SCUBE1: variants seen among roughly 807,000 people sequenced by gnomAD.
SCUBE1 encodes the protein signal peptide, CUB domain and EGF like domain containing 1.
SCUBE1 carries 59 observed loss-of-function variants against 124.4 expected under a neutral mutation model. The ratio of observed to expected loss-of-function variants is 0.47; its 90% confidence interval spans 0.38 to 0.59. SCUBE1 has a LOEUF of 0.59. SCUBE1 is among the 20% of genes least tolerant of loss of function. The pLI is 0.00. For missense variants in SCUBE1, 1,150 were observed against 1,371.2 expected (o/e 0.84, Z 2.55); for synonymous variants, 545 against 550.9 (o/e 0.99, Z 0.15).
intron 4 of SCUBE1, among the ~76,000 whole-genome samples, chr22:43,280,130 A>G (rs929697610): frequency 2.0e-5 from 3 of 152,062 alleles, no homozygotes; most frequent in Non-Finnish European, 4.4e-5. Context: ...ATGCTGAGCA[A>G]GGCGCTGGGC....
At chr22:43,291,321 T>C in intron 3 of SCUBE1, 141 bp from the exon 4 acceptor site, 1 of 864,790 alleles carries the variant, frequency 1.2e-6, no homozygotes, top group Admixed American at 2.2e-5. Context: ...TCCCTGGTGC[T>C]GTGTGATGGT....
chr22:43,233,993 C>T (rs1922658476), intron 7 of SCUBE1, among the ~76,000 whole-genome samples: 1 of 151,914 alleles, frequency 6.6e-6, no homozygotes, highest in Admixed American at 6.6e-5. Context: ...GAGGTCACAG[C>T]ACCACACGCA....
chr22:43,271,682 C>T (rs1041646138), intron 4 of SCUBE1, among the ~76,000 whole-genome samples: 2 of 152,132 alleles, frequency 1.3e-5, no homozygotes, highest in Non-Finnish European at 2.9e-5. Context: ...TCTAGGCCTG[C>T]CGGGAACCAA....
At chr22:43,298,677 G>C (rs1021976479) in intron 3 of SCUBE1, among the ~76,000 whole-genome samples, 1 of 152,202 alleles carries the variant, frequency 6.6e-6, no homozygotes, top group Non-Finnish European at 1.5e-5. Context: ...AGTCCTCAAA[G>C]GGGTCTGCGT....
chr22:43,250,489 C>T (rs146319480), intron 6 of SCUBE1, among the ~76,000 whole-genome samples: 15 of 152,338 alleles, frequency 9.8e-5, no homozygotes, highest in African/African-American at 2.9e-4. Flanking sequence ...CCATAAGCAT[C>T]GCCAAGCACT....
intron 11 of SCUBE1, 98 bp downstream of exon 11, chr22:43,222,999 C>T: frequency 6.9e-7 from 1 of 1,449,092 alleles, no homozygotes; most frequent in Non-Finnish European, 9.2e-7. Flanking sequence ...ATTCCTAGGT[C>T]AGACTCTTTC....
At chr22:43,212,693 A>G (rs1921622699) in intron 16 of SCUBE1, 101 bp from the exon 17 acceptor site, 2 of 1,322,750 alleles carry the variant, frequency 1.5e-6, no homozygotes, top group Non-Finnish European at 2.0e-6. Flanking sequence ...CCGGCCCTGG[A>G]AAAGGTACTG....
intron 3 of SCUBE1, among the ~76,000 whole-genome samples, chr22:43,295,511 C>CCAGT (rs56878999): frequency 0.08 from 12,202 of 152,262 alleles, 1,118 homozygotes; most frequent in East Asian, 0.51. Context: ...CGCCAAGGGA[C>CCAGT]CAGTCCCAGG....
At chr22:43,265,166 G>A (rs1361244062) in intron 4 of SCUBE1, among the ~76,000 whole-genome samples, 2 of 152,236 alleles carry the variant, frequency 1.3e-5, no homozygotes, top group Non-Finnish European at 2.9e-5. Flanking sequence ...GGAGCCCTGG[G>A]TAATGGAATA....
intron 4 of SCUBE1, among the ~76,000 whole-genome samples, chr22:43,290,209 CCTCTCCTCCAAGCACATGTGTCCTGGCT>C (rs1168343843): frequency 5.3e-5 from 8 of 151,130 alleles, no homozygotes; most frequent in Admixed American, 5.3e-4. Context: ...CCTGGAAGCC[CCTCTCCTCCAAGCACATGTGTCCTGGCT>C]CTCTCCTCCA....
chr22:43,331,483 A>G (rs1926901374), intron 2 of SCUBE1, among the ~76,000 whole-genome samples: 1 of 152,220 alleles, frequency 6.6e-6, no homozygotes. Flanking sequence ...TTAAGTACAC[A>G]TAGAAGGGGT....
intron 6 of SCUBE1, among the ~76,000 whole-genome samples, chr22:43,252,284 C>G (rs896331996): frequency 6.6e-6 from 1 of 152,260 alleles, no homozygotes; most frequent in Non-Finnish European, 1.5e-5. Context: ...ACTCCCCTCC[C>G]TCACTGGAGC....
chr22:43,321,024 C>T (rs537861109), intron 2 of SCUBE1, among the ~76,000 whole-genome samples: 5 of 152,326 alleles, frequency 3.3e-5, no homozygotes, highest in African/African-American at 1.2e-4. Flanking sequence ...TCTCAACCGG[C>T]AGTCACCCTG....
At position 43,214,156 on chromosome 22, in the gene SCUBE1, A is replaced by C; in HGVS notation, c.1987T>G (p.Cys663Gly). ...TYQDMEGQLS[C>G]TPCPSSDGLG... ...CCGTCGCTGCTGGGGCACGGTGTGC[A>C]ACTGAGCTGGCCTTCCATGTCCTGG... Residue 663 changes from cysteine to glycine, a missense_variant, in exon 16 of 22, where the codon TGC becomes GGC. Coordinates refer to ENST00000360835, the MANE Select transcript of SCUBE1 (RefSeq NM_173050.5). 2 of 1,586,768 alleles carry C rather than the reference A, an allele frequency of 1.3e-6. No individual in the cohort carries two copies. Among genetic ancestry groups the C allele is most frequent in the Non-Finnish European group, 1.7e-6 (2 of 1,163,496 alleles).
At chr22:43,289,470 A>G (rs1925273769) in intron 4 of SCUBE1, among the ~76,000 whole-genome samples, 1 of 152,270 alleles carries the variant, frequency 6.6e-6, no homozygotes, top group Non-Finnish European at 1.5e-5. Context: ...GGGACACCAC[A>G]GAGCCATGAT....
At position 43,234,164 on chromosome 22, in the gene SCUBE1, G is replaced by T. The variant is rs1281356916; in HGVS notation, c.845-2289C>A. On this transcript the variant is annotated intron_variant, in intron 7 of 21. Coordinates refer to ENST00000360835, the MANE Select transcript of SCUBE1 (RefSeq NM_173050.5). The surrounding 1 kb of genome is among the most constrained non-coding windows in gnomAD (Gnocchi z 4.4). ...ATCATTCCTTCCCCCCGAGCCCCGGGATTATAGGCAGATGGGGAATTTCTA... is the reference window on the plus strand; with the variant it reads ...ATCATTCCTTCCCCCCGAGCCCCGGTATTATAGGCAGATGGGGAATTTCTA... Among the ~76,000 whole-genome samples, 3 of 152,100 alleles carry T rather than the reference G, an allele frequency of 2.0e-5. No homozygotes were observed. The highest frequency in any genetic ancestry group is 2.9e-5 in the Non-Finnish European group (2 of 68,022).
chr22:43,301,183 G>A (rs570573431), intron 3 of SCUBE1, among the ~76,000 whole-genome samples: 15 of 152,116 alleles, frequency 9.9e-5, no homozygotes, highest in Admixed American at 5.2e-4. Context: ...CAACACATTC[G>A]CTCCCCTCCA....
chr22:43,291,245 C>G lies in SCUBE1; in HGVS notation c.350-65G>C, dbSNP rs944046750. On this transcript the variant is annotated intron_variant, in intron 3 of 21. Coordinates refer to ENST00000360835, the MANE Select transcript of SCUBE1 (RefSeq NM_173050.5). ...TAAGTTGGAAGCAGGGCATGAGGGG[C>G]TGGCGGGACAGGGATGCAGTGAATT... 2.6e-6 allele frequency: 4 copies of G among 1,550,906 alleles called. No individual in the cohort carries two copies. The African/African-American group carries it at 5.4e-5, about 21-fold the overall frequency.
intron 9 of SCUBE1, among the ~76,000 whole-genome samples, 197 bp from the exon 10 acceptor site, chr22:43,227,693 G>A (rs542872638): frequency 1.3e-5 from 2 of 152,268 alleles, no homozygotes; most frequent in African/African-American, 2.4e-5. Context: ...AGACCCCAGC[G>A]TCCCTTCCCC....
Sources: gnomAD v4.1 joint callset for allele counts (sites outside exome capture counted in the v4.1 genomes callset) on GRCh38, gnomAD v4.1.1 for gene constraint, Gnocchi (gnomAD v3.1) non-coding constraint, MANE v1.5 for transcripts, NCBI Gene and HGNC (gene_info 2026-07-23, HGNC 2026-07-21) for gene names.